The following TJP1 variants were observed in gnomAD, a reference collection of about 807,000 sequenced individuals.
The protein encoded by TJP1 is tight junction protein 1, also known as tight junction protein ZO-1.
Under a neutral mutation model 194.2 loss-of-function variants are expected in TJP1, and 43 were observed. That is an observed-to-expected ratio of 0.22 (90% CI 0.17 to 0.29). The LOEUF is 0.29. Among genes scored for constraint, TJP1 ranks in the 10% least tolerant of loss-of-function variants. The probability of loss-of-function intolerance (pLI) is 1.00; values close to 1 mark genes in which losing one functional copy is unlikely to be tolerated. For synonymous variants in TJP1, 801 were observed against 779.0 expected, an observed-to-expected ratio of 1.03 and a Z score of -0.47; for missense variants, 1,971 against 2,185.7, an observed-to-expected ratio of 0.90 and a Z score of 1.96.
At chr15:29,894,210 G>C (rs183578644) in intron 2 of TJP1, among the ~76,000 whole-genome samples, 58 of 152,342 alleles carry the variant, frequency 3.8e-4, no homozygotes, top group African/African-American at 1.3e-3. Context: ...TGTAATCCCA[G>C]CACCTTGGAA....
At chr15:29,800,438 A>G in intron 2 of TJP1, 1 of 552,940 alleles carries the variant, frequency 1.8e-6, no homozygotes, top group Non-Finnish European at 3.1e-6. Context: ...GAATAAAAAC[A>G]GCAAATACTC....
At chr15:29,794,535 A>AC (rs2151837898) in intron 2 of TJP1, among the ~76,000 whole-genome samples, 1 of 152,328 alleles carries the variant, frequency 6.6e-6, no homozygotes, top group Admixed American at 6.5e-5. Flanking sequence ...AAGGTCAGAA[A>AC]AATCAGATTC....
At chr15:29,739,432 G>A (rs1329532225) in intron 10 of TJP1, among the ~76,000 whole-genome samples, 3 of 152,108 alleles carry the variant, frequency 2.0e-5, no homozygotes, top group South Asian at 4.1e-4. Flanking sequence ...CAGGGAAGGA[G>A]GTCTCTGGAA....
intron 18 of TJP1, among the ~76,000 whole-genome samples, chr15:29,725,935 G>A (rs1273563535): frequency 3.3e-5 from 5 of 152,112 alleles, no homozygotes; most frequent in African/African-American, 1.2e-4. Flanking sequence ...TTTCCCATCC[G>A]CTGCTTGCCT....
intron 2 of TJP1, among the ~76,000 whole-genome samples, chr15:29,874,381 A>T (rs755031941): frequency 1.8e-4 from 27 of 152,286 alleles, no homozygotes; most frequent in Middle Eastern, 3.4e-3. Flanking sequence ...CTGTCCCCTC[A>T]GCAGTAAGGG....
chr15:29,747,063 T>G (rs1298217743), intron 8 of TJP1, among the ~76,000 whole-genome samples: 1 of 152,044 alleles, frequency 6.6e-6, no homozygotes, highest in Non-Finnish European at 1.5e-5. Context: ...GGTCGGTGGA[T>G]CACCTGAGGT....
intron 8 of TJP1, 38 bp downstream of exon 8, chr15:29,761,100 CA>C (rs2045972280): frequency 1.3e-6 from 2 of 1,534,364 alleles, no homozygotes; most frequent in Admixed American, 2.2e-5. Context: ...ATCAAGCAAA[CA>C]AAACCCCTGT....
At chr15:29,810,627 G>T (rs1212295998) in intron 1 of TJP1, among the ~76,000 whole-genome samples, 2 of 152,188 alleles carry the variant, frequency 1.3e-5, no homozygotes, top group African/African-American at 4.8e-5. Flanking sequence ...AGGGGTAACA[G>T]ATACTAATCA....
chr15:29,904,310 AT>A (rs2053734381), intron 2 of TJP1, among the ~76,000 whole-genome samples: 2 of 152,230 alleles, frequency 1.3e-5, no homozygotes, highest in South Asian at 4.2e-4. Flanking sequence ...CTACTGCATA[AT>A]CCTTGTGAGA....
chr15:29,831,001 G>GA (rs999112395), intron 2 of TJP1, among the ~76,000 whole-genome samples: 3 of 152,110 alleles, frequency 2.0e-5, no homozygotes, highest in African/African-American at 7.2e-5. Context: ...GCACCTGACT[G>GA]AAAAACCCTG....
intron 9 of TJP1, 48 bp from the exon 10 acceptor site, chr15:29,741,484 T>C (rs761279044): frequency 7.7e-7 from 1 of 1,296,566 alleles, no homozygotes; most frequent in South Asian, 1.2e-5. Context: ...AAACATGGAA[T>C]AATAATGCAA....
At chr15:29,726,624 A>G in intron 17 of TJP1, 145 bp from the exon 18 acceptor site, 11 of 1,123,096 alleles carry the variant, frequency 9.8e-6, no homozygotes, top group South Asian at 4.6e-5. Context: ...TTGCTACTGT[A>G]TATTTTCTTT....
At chr15:29,843,425 G>A (rs1204661830) in intron 2 of TJP1, among the ~76,000 whole-genome samples, 1 of 152,110 alleles carries the variant, frequency 6.6e-6, no homozygotes, top group African/African-American at 2.4e-5. Flanking sequence ...CCAACCTCAG[G>A]TGATCCGCCA....
chr15:29,716,711 C>G lies in TJP1; in HGVS notation c.4102G>C (p.Glu1368Gln), dbSNP rs2042586119. Reference protein sequence around the residue: ...QLSYFDRRSFENKPPAHIAAS... With the variant: ...QLSYFDRRSFQNKPPAHIAAS... ...GCAATGTGTGCAGGAGGCTTATTCT[C>G]AAAACTTCTTCGGTCAAAGTATGAC... Residue 1368 changes from glutamate (E) to glutamine (Q), a missense_variant, in exon 23 of 28, where the codon GAG (glutamate) becomes CAG (glutamine). Glu to Gln is a conservative substitution (Grantham distance 29). Coordinates refer to ENST00000614355, the MANE Select transcript of TJP1 (RefSeq NM_001330239.4). The G allele has an allele frequency of 6.2e-7, 1 of 1,613,974 alleles. No homozygotes were observed. The highest frequency in any genetic ancestry group is 1.3e-5 in the African/African-American group (1 of 74,902).
chr15:29,734,462 G>T, intron 11 of TJP1, 80 bp from the exon 12 acceptor site: 2 of 985,082 alleles, frequency 2.0e-6, no homozygotes, highest in Non-Finnish European at 3.0e-6. Flanking sequence ...GATACTCTCA[G>T]TCTACCTAAT....
chr15:29,950,189 A>T lies in TJP1; in HGVS notation c.306+6043T>A, dbSNP rs868229099. Among the ~76,000 whole-genome samples the T allele has an allele frequency of 1.3e-3, 128 of 100,770 alleles. 7 individuals are homozygous for T. The highest frequency in any genetic ancestry group is 2.9e-3 in the South Asian group (8 of 2,790). The allele number at this position is 100,770 out of a possible 152,430, so 66.1% of individuals were successfully genotyped here. A position where few individuals can be genotyped will look rare whatever the true frequency, so the allele number is the denominator to read the frequency against. ...CACAACCACTACCTCCACCTCCACC[A>T]CCACCACCACTTCCATCTCCACCTT... On this transcript the variant is annotated intron_variant, in intron 2 of 28. Coordinates refer to the TJP1 transcript ENST00000356107.
chr15:29,760,406 C>T (rs539962736), intron 8 of TJP1: 41 of 606,234 alleles, frequency 6.8e-5, no homozygotes, highest in Middle Eastern at 4.4e-4. Flanking sequence ...GAAAGAGTTC[C>T]GCTCTGTCAC....
intron 4 of TJP1, among the ~76,000 whole-genome samples, chr15:29,769,357 A>T (rs2046511820): frequency 6.6e-6 from 1 of 152,204 alleles, no homozygotes; most frequent in South Asian, 2.1e-4. Flanking sequence ...TCAATAGCCT[A>T]TTGATTTTCT....
At chr15:29,917,722 C>G (rs547593406) in intron 2 of TJP1, among the ~76,000 whole-genome samples, 1 of 152,274 alleles carries the variant, frequency 6.6e-6, no homozygotes, top group Non-Finnish European at 1.5e-5. Context: ...TGCACAGACA[C>G]TTTCTCCCCT....
Sources: allele counts gnomAD v4.1 joint callset (sites outside exome capture counted in the v4.1 genomes callset), GRCh38; gene constraint gnomAD v4.1.1; transcripts MANE v1.5; gene names NCBI Gene and HGNC (gene_info 2026-07-23, HGNC 2026-07-21).